Variants in CLDN10 observed in about 807,000 individuals in gnomAD.
CLDN10 encodes claudin 10.
A neutral mutation model predicts 22.9 loss-of-function variants in CLDN10; 15 were observed. That is an observed-to-expected ratio of 0.65 (90% CI 0.44 to 1.01). CLDN10 has a LOEUF of 1.01. CLDN10 is among the 50% of genes least tolerant of loss of function. CLDN10 has a pLI of 0.00. For synonymous variants in CLDN10, 114 were observed against 111.4 expected, an observed-to-expected ratio of 1.02 and a Z score of -0.15; for missense variants, 247 against 287.8, an observed-to-expected ratio of 0.86 and a Z score of 1.03.
At chr13:95,490,905 T>A (rs1026962830) in intron 1 of CLDN10, among the ~76,000 whole-genome samples, 16 of 152,208 alleles carry the variant, frequency 1.1e-4, no homozygotes, top group African/African-American at 2.9e-4. Context: ...ATTTCTTAGG[T>A]CTAATAGTAA....
At chr13:95,542,724 T>C (rs1159767829) in intron 1 of CLDN10, among the ~76,000 whole-genome samples, 1 of 152,112 alleles carries the variant, frequency 6.6e-6, no homozygotes, top group Non-Finnish European at 1.5e-5. Context: ...GGAGAATCTC[T>C]TGAACCCAGG....
chr13:95,476,462 A>AT (rs904738261), intron 1 of CLDN10, among the ~76,000 whole-genome samples: 16 of 152,234 alleles, frequency 1.1e-4, no homozygotes, highest in African/African-American at 3.6e-4. Flanking sequence ...AAGGGCACTA[A>AT]TCCCATTAAT....
intron 1 of CLDN10, among the ~76,000 whole-genome samples, chr13:95,494,085 AT>A (rs1215604919): frequency 6.6e-6 from 1 of 152,184 alleles, no homozygotes; most frequent in Non-Finnish European, 1.5e-5. Context: ...ATAATAGGAA[AT>A]AAAAAAGGTA....
rs1426301920 is a variant in CLDN10, at chr13:95,560,443, T to C, written c.444T>C (p.Asp148=). ...ACAAAATCACAACGGAATTCTTTGA[T>C]CCTCTCTTTGTTGAGCAAAAGTAAG... is the stretch of plus-strand genomic sequence containing the variant. The part of the protein sequence containing the change: ...YANKITTEFF[D]PLFVEQKYEL... The change falls in exon 3 of 5, where the codon GAT becomes GAC. Residue 148 remains aspartate (D), a synonymous_variant. Coordinates refer to ENST00000299339, the MANE Select transcript of CLDN10 (RefSeq NM_006984.5). 2.5e-6 allele frequency: 4 copies of C among 1,613,806 alleles called. No homozygotes were observed. The East Asian group carries it at 6.7e-5, about 27-fold the overall frequency.
At chr13:95,452,409 C>T (rs1456501229) in intron 1 of CLDN10, among the ~76,000 whole-genome samples, 1 of 151,948 alleles carries the variant, frequency 6.6e-6, no homozygotes, top group Admixed American at 6.6e-5. Flanking sequence ...AGATTCCTTC[C>T]CTGAGGACTC....
At chr13:95,490,696 T>C (rs2042863900) in intron 1 of CLDN10, among the ~76,000 whole-genome samples, 1 of 152,224 alleles carries the variant, frequency 6.6e-6, no homozygotes, top group African/African-American at 2.4e-5. Flanking sequence ...ACATGGTCTA[T>C]CTTGGAGAAA....
intron 1 of CLDN10, among the ~76,000 whole-genome samples, chr13:95,471,440 C>CACACACACATAT (rs746573300): frequency 2.1e-3 from 222 of 104,230 alleles, no homozygotes; most frequent in Middle Eastern, 0.012. Flanking sequence ...CACACACACA[C>CACACACACATAT]ATATATATAT....
intron 3 of CLDN10, among the ~76,000 whole-genome samples, chr13:95,574,430 A>T (rs548063906): frequency 6.6e-6 from 1 of 152,360 alleles, no homozygotes; most frequent in South Asian, 2.1e-4. Flanking sequence ...TGCAAATGGA[A>T]ATGATTTTTT....
chr13:95,503,556 A>G (rs1484628241), intron 1 of CLDN10, among the ~76,000 whole-genome samples: 1 of 152,230 alleles, frequency 6.6e-6, no homozygotes, highest in African/African-American at 2.4e-5. Context: ...TTATAGCAGC[A>G]CTGTTTATAA....
intron 1 of CLDN10, among the ~76,000 whole-genome samples, chr13:95,482,443 A>G (rs927312146): frequency 3.3e-5 from 5 of 152,214 alleles, no homozygotes; most frequent in Admixed American, 1.3e-4. Context: ...GCTGTGGCAG[A>G]AAGGGTCTAG....
chr13:95,547,684 A>T (rs147537778), intron 1 of CLDN10, among the ~76,000 whole-genome samples: 2 of 152,272 alleles, frequency 1.3e-5, no homozygotes, highest in Non-Finnish European at 2.9e-5. Flanking sequence ...TTTATCTCAC[A>T]TCTTTCTGAT....
At chr13:95,520,620 G>A (rs1171589005) in intron 1 of CLDN10, among the ~76,000 whole-genome samples, 2 of 152,120 alleles carry the variant, frequency 1.3e-5, no homozygotes, top group East Asian at 1.9e-4. Context: ...TGATCCACCC[G>A]CCTCAGCCTC....
At chr13:95,534,756 A>G (rs967385321) in intron 1 of CLDN10, among the ~76,000 whole-genome samples, 4 of 152,212 alleles carry the variant, frequency 2.6e-5, no homozygotes, top group Admixed American at 1.3e-4. Context: ...ATGGCAATAC[A>G]TCTTTGAGCA....
upstream of CLDN10, among the ~76,000 whole-genome samples, chr13:95,547,944 C>T (rs559337593): frequency 6.6e-6 from 1 of 152,182 alleles, no homozygotes; most frequent in Admixed American, 6.5e-5. Flanking sequence ...TGCTACTCTC[C>T]TCTCCTTGAT....
At chr13:95,461,056 G>A (rs2042532118) in intron 1 of CLDN10, among the ~76,000 whole-genome samples, 1 of 152,116 alleles carries the variant, frequency 6.6e-6, no homozygotes, top group Non-Finnish European at 1.5e-5. Context: ...AGGTTGCAGT[G>A]AGCCGAGATC....
At chr13:95,495,088 T>G (rs1594562681) in intron 1 of CLDN10, among the ~76,000 whole-genome samples, 1 of 151,614 alleles carries the variant, frequency 6.6e-6, no homozygotes, top group Non-Finnish European at 1.5e-5. Context: ...CAGGCTGGAG[T>G]GCAGTGGTGC....
chr13:95,459,842 C>A (rs923341772), intron 1 of CLDN10, among the ~76,000 whole-genome samples: 4 of 152,222 alleles, frequency 2.6e-5, no homozygotes, highest in Admixed American at 6.5e-5. Flanking sequence ...TGTCAGGCTG[C>A]AAATTTTCTA....
At chr13:95,544,426 G>A (rs1179210616) in intron 1 of CLDN10, among the ~76,000 whole-genome samples, 2 of 152,188 alleles carry the variant, frequency 1.3e-5, no homozygotes, top group Non-Finnish European at 2.9e-5. Context: ...TTGTTTGTCA[G>A]AAAGATTTAT....
At chr13:95,485,783 A>AC (rs1398988425) in intron 1 of CLDN10, among the ~76,000 whole-genome samples, 11 of 152,156 alleles carry the variant, frequency 7.2e-5, no homozygotes, top group African/African-American at 2.2e-4. Flanking sequence ...CTCAAATGTA[A>AC]CCTCCTCTGG....
Sources: allele counts gnomAD v4.1 joint callset (sites outside exome capture counted in the v4.1 genomes callset), GRCh38; gene constraint gnomAD v4.1.1; transcripts MANE v1.5; gene names NCBI Gene and HGNC (gene_info 2026-07-23, HGNC 2026-07-21).